COL16A1: variants seen among roughly 807,000 people sequenced by gnomAD.
COL16A1 encodes collagen alpha-1(XVI) chain.
Under a neutral mutation model 266.3 loss-of-function variants are expected in COL16A1, and 189 were observed. That is an observed-to-expected ratio of 0.71 (90% CI 0.63 to 0.80). The LOEUF (loss-of-function observed/expected upper bound fraction) is 0.80. Among genes scored for constraint, COL16A1 ranks in the 30% least tolerant of loss-of-function variants. COL16A1 has a pLI of 0.00. For synonymous variants in COL16A1, 740 were observed against 782.3 expected (o/e 0.95, Z 0.90); for missense variants, 1,928 against 2,122.4 (o/e 0.91, Z 1.80).
chr1:31,696,521 T>G (rs1644508617), intron 8 of COL16A1, among the ~76,000 whole-genome samples: 1 of 152,210 alleles, frequency 6.6e-6, no homozygotes, highest in African/African-American at 2.4e-5. Context: ...CTGGCCATGG[T>G]GCTGGGTGTA....
rs1263637504 is a variant in COL16A1 at position 31,692,012 on chromosome 1, CCTGGCTTTCCCGGCACG to C, written c.1233_1249del (p.Val412ProfsTer26). 1 of 1,613,920 alleles carries C rather than the reference CCTGGCTTTCCCGGCACG, an allele frequency of 6.2e-7. No individual in the cohort carries two copies. The highest frequency in any genetic ancestry group is 8.5e-7 in the Non-Finnish European group (1 of 1,180,012). On this transcript the variant is annotated frameshift_variant, in exon 17 of 71. Coordinates refer to ENST00000373672, the MANE Select transcript of COL16A1 (RefSeq NM_001856.4). LOFTEE classifies it high-confidence loss of function. ...AGGGTCCCAGGCACCTACGTCCCGG[CCTGGCTTTCCCGGCACG>C]CCCTTGATGCCTCCGTCGCCCTTCT...
At chr1:31,682,737 T>C (rs1643733196) in intron 37 of COL16A1, among the ~76,000 whole-genome samples, 197 bp downstream of exon 37, 3 of 152,186 alleles carry the variant, frequency 2.0e-5, no homozygotes, top group African/African-American at 7.2e-5. Flanking sequence ...GCTCAAAAAA[T>C]GGTGGTGATC....
intron 39 of COL16A1, 118 bp downstream of exon 39, chr1:31,680,787 T>G (rs905645261): frequency 2.5e-5 from 40 of 1,579,452 alleles, no homozygotes; most frequent in Middle Eastern, 1.8e-4. Context: ...CAGGCTCCCC[T>G]GGTTCATGGT....
intron 26 of COL16A1, among the ~76,000 whole-genome samples, chr1:31,687,414 G>GACACACACAC (rs143135979): frequency 1.4e-5 from 2 of 140,570 alleles, no homozygotes; most frequent in Non-Finnish European, 3.0e-5. Flanking sequence ...ACAACGCACA[G>GACACACACAC]ACACACACAC....
intron 26 of COL16A1, 185 bp from the exon 27 acceptor site, chr1:31,686,464 C>T (rs976788421): frequency 1.3e-6 from 1 of 792,984 alleles, no homozygotes; most frequent in Middle Eastern, 2.8e-4. Flanking sequence ...GCTAGAAGCC[C>T]TATTTCTGCC....
rs764854261 is a variant in COL16A1 at position 31,683,325 on chromosome 1, C to T, written c.2415+9G>A. 2 of 1,614,200 alleles carry T rather than the reference C, an allele frequency of 1.2e-6. No homozygotes were observed. Among genetic ancestry groups the T allele is most frequent in the South Asian group, 1.1e-5 (1 of 91,082 alleles). On this transcript the variant is annotated intron_variant, in intron 35 of 70. Coordinates refer to ENST00000373672, the MANE Select transcript of COL16A1 (RefSeq NM_001856.4). ...CTGCTATCCTCCTTCAGGACTCAGG[C>T]AGACGTACCTGAATGCCAGGCAAAC...
intron 23 of COL16A1, 106 bp from the exon 24 acceptor site, chr1:31,689,191 A>T (rs1411407788): frequency 1.3e-6 from 2 of 1,564,676 alleles, no homozygotes; most frequent in African/African-American, 2.7e-5. Context: ...AACCGTCCAA[A>T]CACCTAGGGG....
chr1:31,697,895 C>G lies in COL16A1; in HGVS notation c.657+11G>C. The stretch of plus-strand genomic sequence containing the variant: ...GCAGGAACAGAGGTCAGGGCCTGAC[C>G]TAGCACTCACCGAGACAGGCTTGCC... On this transcript the variant is annotated intron_variant, in intron 6 of 70. Coordinates refer to ENST00000373672, the MANE Select transcript of COL16A1 (RefSeq NM_001856.4). This position sits in a 1 kb window ranked among gnomAD's most constrained non-coding sequence, Gnocchi z 4.2. The G allele has an allele frequency of 1.2e-6, 2 of 1,605,994 alleles. No homozygotes were observed. The highest frequency in any genetic ancestry group is 1.7e-6 in the Non-Finnish European group (2 of 1,176,008).
chr1:31,661,596 T>C, intron 59 of COL16A1, 64 bp downstream of exon 59: 1 of 1,612,864 alleles, frequency 6.2e-7, no homozygotes, highest in Non-Finnish European at 8.5e-7. Flanking sequence ...TTTGAGCTGT[T>C]GCAGCCACCC....
Position 31,698,500 on chromosome 1 carries a change from C to T in COL16A1, c.373G>A (p.Ala125Thr), listed in dbSNP as rs1340677609. 12 of 1,614,168 alleles carry T rather than the reference C, an allele frequency of 7.4e-6. No individual in the cohort carries two copies. The highest frequency in any genetic ancestry group is 1.0e-5 in the Non-Finnish European group (12 of 1,180,026). ...KTWYLFQVTD[A>T]NGYPQISLEV... ...AGGTTCACCTGTGGATACCCATTTG[C>T]ATCGGTCACTTGAAACAGATACCAC... is the stretch of plus-strand genomic sequence containing the variant. Residue 125 changes from alanine to threonine, a missense_variant, in exon 5 of 71, where the codon GCA (alanine) becomes ACA (threonine). Around this residue, in one of 2 missense-constraint regions of COL16A1, gnomAD observed 1,552 missense variants for 1,637.2 expected, o/e 0.95. Coordinates refer to ENST00000373672, the MANE Select transcript of COL16A1 (RefSeq NM_001856.4). This position sits in a 1 kb window ranked among gnomAD's most constrained non-coding sequence, Gnocchi z 4.1.
At chr1:31,690,462 G>A (rs988040788) in intron 21 of COL16A1, 67 bp downstream of exon 21, 1 of 1,614,176 alleles carries the variant, frequency 6.2e-7, no homozygotes, top group South Asian at 1.1e-5. Flanking sequence ...AGGGCCGGAG[G>A]ACCTAGCCCC....
At chr1:31,679,284 G>A (rs1159227812) in intron 42 of COL16A1, 3 of 963,434 alleles carry the variant, frequency 3.1e-6, no homozygotes, top group Non-Finnish European at 4.5e-6. Context: ...CCAGAAAATA[G>A]CAAATGTGCA....
In COL16A1 at chr1:31,656,916, T is replaced by G; in HGVS notation, c.4056+117A>C. On this transcript the variant is annotated intron_variant, in intron 65 of 70. Transcript: ENST00000373672. This position sits in a 1 kb window ranked among gnomAD's most constrained non-coding sequence, Gnocchi z 4.2. ...CCCCAGGACAACAGGGTTAACAATT[T>G]CCAGAGACAGCCCGTACATAGAAGG... The G allele has an allele frequency of 6.9e-7, 1 of 1,440,124 alleles. No individual in the cohort carries two copies. Among genetic ancestry groups the G allele is most frequent in the South Asian group, 1.2e-5 (1 of 85,762 alleles). 89.2% of individuals were successfully genotyped at this position (1,440,124 alleles called of 1,614,324 possible).
At chr1:31,691,044 C>A in intron 20 of COL16A1, 144 bp downstream of exon 20, 1 of 1,348,828 alleles carries the variant, frequency 7.4e-7, no homozygotes. Flanking sequence ...AGGGGCCTGG[C>A]CAAGCCGAGC....
Position 31,670,738 on chromosome 1 carries a change from A to G in COL16A1, c.3151-92T>C. 1 of 1,100,200 alleles carries G rather than the reference A, an allele frequency of 9.1e-7. No homozygotes were observed. Among genetic ancestry groups the G allele is most frequent in the Non-Finnish European group, 1.2e-6 (1 of 819,150 alleles). 68.2% of individuals were successfully genotyped at this position (1,100,200 alleles called of 1,614,324 possible). A position where few individuals can be genotyped will look rare whatever the true frequency, so the allele number is the denominator to read the frequency against. ...AGTCTGGGGCTTGGGGGTCATGGGGAGAGGAGGTCATGGGAGTATTTTCAA... is the reference window on the plus strand; with the variant it reads ...AGTCTGGGGCTTGGGGGTCATGGGGGGAGGAGGTCATGGGAGTATTTTCAA... On this transcript the variant is annotated intron_variant, in intron 48 of 70. Coordinates refer to ENST00000373672, the MANE Select transcript of COL16A1 (RefSeq NM_001856.4). The surrounding 1 kb of genome is among the most constrained non-coding windows in gnomAD (Gnocchi z 4.5).
At chr1:31,666,416 C>G (rs2148686495) in intron 52 of COL16A1, 1 of 333,012 alleles carries the variant, frequency 3.0e-6, no homozygotes, top group Non-Finnish European at 5.5e-6. Context: ...ACACTTTCCA[C>G]CAACGCTGGT....
Position 31,698,374 on chromosome 1 carries a change from C to A in COL16A1, c.390+109G>T, listed in dbSNP as rs76790410. The A allele has an allele frequency of 0.031, 47,718 of 1,559,526 alleles. 919 individuals are homozygous for A. The highest frequency in any genetic ancestry group is 0.067 in the Middle Eastern group (381 of 5,678). On this transcript the variant is annotated intron_variant, in intron 5 of 70. Transcript: ENST00000373672. The surrounding 1 kb of genome is among the most constrained non-coding windows in gnomAD (Gnocchi z 4.1). ...GGCTGGGGACAGGCTTGAGGGTAGG[C>A]ACAGGATGGAGCAGGGAGACCCCAG...
intron 12 of COL16A1, 84 bp from the exon 13 acceptor site, chr1:31,693,238 C>G: frequency 1.2e-6 from 1 of 848,556 alleles, no homozygotes; most frequent in Non-Finnish European, 2.0e-6. Context: ...CTGGCCCCCT[C>G]CACCCATCCC....
intron 55 of COL16A1, 171 bp from the exon 56 acceptor site, chr1:31,665,405 A>G: frequency 7.1e-7 from 1 of 1,412,920 alleles, no homozygotes; most frequent in Non-Finnish European, 9.6e-7. Context: ...GGGCCCACAC[A>G]AGAGGCTGGG....
Sources: allele counts gnomAD v4.1 joint callset (sites outside exome capture counted in the v4.1 genomes callset), GRCh38; gene constraint gnomAD v4.1.1; regional missense constraint gnomAD v4.1.1; non-coding constraint Gnocchi (gnomAD v3.1); transcripts MANE v1.5; gene names NCBI Gene and HGNC (gene_info 2026-07-23, HGNC 2026-07-21).